SLC39A12: variants seen among roughly 807,000 people sequenced by gnomAD.
SLC39A12 encodes the protein zinc transporter ZIP12.
SLC39A12 carries 63 observed loss-of-function variants against 71.1 expected under a neutral mutation model. The ratio of observed to expected loss-of-function variants is 0.89; its 90% CI spans 0.72 to 1.09. The LOEUF (loss-of-function observed/expected upper bound fraction) is 1.09, where lower values mean the gene tolerates loss of function less well. Among genes scored for constraint, SLC39A12 ranks in the 50% least tolerant of loss-of-function variants. The pLI, the probability that SLC39A12 is intolerant of heterozygous loss-of-function variation, is 0.00. For missense variants in SLC39A12, 892 were observed against 812.6 expected, an observed-to-expected ratio of 1.10 and a Z score of -1.19; for synonymous variants, 351 against 301.3, an observed-to-expected ratio of 1.16 and a Z score of -1.71.
intron 12 of SLC39A12, among the ~76,000 whole-genome samples, chr10:18,004,595 G>GAGAT (rs1399958153): frequency 1.3e-5 from 2 of 152,148 alleles, no homozygotes; most frequent in Non-Finnish European, 2.9e-5. Context: ...TAATTCTTAT[G>GAGAT]AGATGCATGC....
In SLC39A12 at chr10:18,000,682, T is replaced by C; in HGVS notation, c.1616T>C (p.Leu539Ser). ...ASNRKCKAIS[L>S]LAIMILVGDS... The stretch of plus-strand genomic sequence containing the variant: ...GGTTCCTTAGGTAAAGCCATTAGCT[T>C]GTTAGCAATCATGATTCTGGTTGGG... Residue 539 changes from leucine (L) to serine (S), a missense_variant, in exon 11 of 13, where the codon TTG becomes TCG. Transcript: ENST00000377369. 1 of 1,614,192 alleles carries C rather than the reference T, an allele frequency of 6.2e-7. No homozygotes were observed. Among genetic ancestry groups the C allele is most frequent in the Non-Finnish European group, 8.5e-7 (1 of 1,180,028 alleles).
intron 6 of SLC39A12, 117 bp downstream of exon 6, chr10:17,981,600 C>G: frequency 3.9e-6 from 3 of 770,126 alleles, no homozygotes; most frequent in Non-Finnish European, 3.9e-6. Flanking sequence ...CATTTATCAG[C>G]TCATTTAATC....
chr10:17,967,905 A>G (rs1394045524), intron 4 of SLC39A12, among the ~76,000 whole-genome samples: 2 of 144,606 alleles, frequency 1.4e-5, no homozygotes, highest in Non-Finnish European at 3.0e-5. Flanking sequence ...AAAAATATAT[A>G]TATATATATA....
intron 4 of SLC39A12, among the ~76,000 whole-genome samples, chr10:17,967,209 C>T (rs186715392): frequency 1.0e-3 from 157 of 152,164 alleles, no homozygotes; most frequent in Non-Finnish European, 2.2e-4. Context: ...TCATCTATCA[C>T]GCATTTCTAT....
chr10:18,034,333 TC>T lies in SLC39A12; in HGVS notation c.1948-8370del, dbSNP rs1472797576. 2.9e-3 allele frequency among the ~76,000 whole-genome samples: 438 copies of T among 152,000 alleles called. 6 individuals carry two copies. The highest frequency in any genetic ancestry group is 4.1e-4 in the Non-Finnish European group (28 of 67,986). Reference sequence around the variant, plus strand: ...GGACTTGCTTTATGAATCTGGGTGCTCCTGTATTGGGTGCATATATATTTAG... The same window carrying T: ...GGACTTGCTTTATGAATCTGGGTGCTCTGTATTGGGTGCATATATATTTAG... On this transcript the variant is annotated intron_variant, in intron 12 of 12. Transcript: ENST00000377369.
intron 12 of SLC39A12, among the ~76,000 whole-genome samples, chr10:18,006,378 A>C (rs1836018925): frequency 6.6e-6 from 1 of 152,214 alleles, no homozygotes; most frequent in Non-Finnish European, 1.5e-5. Context: ...AATTGCACTG[A>C]AGCATGGCTA....
rs780424631 is a variant in SLC39A12, at chr10:17,993,283, A to C, written c.1525A>C (p.Ile509Leu). 1 of 1,549,110 alleles carries C rather than the reference A, an allele frequency of 6.5e-7. No individual in the cohort carries two copies. The highest frequency in any genetic ancestry group is 8.7e-7 in the Non-Finnish European group (1 of 1,144,414). The change falls in exon 9 of 13, where the codon ATC becomes CTC. Residue 509 changes from isoleucine (I) to leucine (L), a missense_variant. By Grantham distance (5) the Ile-to-Leu change is conservative. Coordinates refer to ENST00000377369, the MANE Select transcript of SLC39A12 (RefSeq NM_001145195.2). The stretch of plus-strand genomic sequence containing the variant: ...AGGCAGAGGCAAATCTGCTTCAACT[A>C]TCCAGTTGGTAGGTTCCTGATCTGA... ...QAGRGKSAST[I>L]QLKSPEDSQA...
chr10:18,034,127 G>A (rs1836930300), intron 12 of SLC39A12, among the ~76,000 whole-genome samples: 1 of 152,110 alleles, frequency 6.6e-6, no homozygotes, highest in Non-Finnish European at 1.5e-5. Context: ...TGTATATTCT[G>A]TTGATTTGTG....
chr10:17,963,899 C>A (rs1392494479), intron 3 of SLC39A12, among the ~76,000 whole-genome samples: 3 of 152,180 alleles, frequency 2.0e-5, no homozygotes, highest in Non-Finnish European at 2.9e-5. Flanking sequence ...TCCCTAATGG[C>A]TCAGAAAGCA....
At chr10:18,037,382 G>T (rs115640369) in intron 12 of SLC39A12, among the ~76,000 whole-genome samples, 1,950 of 151,934 alleles carry the variant, frequency 0.013, 49 homozygotes, top group African/African-American at 0.044. Flanking sequence ...AATAGACAAG[G>T]ATGAATTTCA....
At chr10:18,020,768 C>G (rs1836511952) in intron 12 of SLC39A12, among the ~76,000 whole-genome samples, 1 of 152,012 alleles carries the variant, frequency 6.6e-6, no homozygotes, top group Admixed American at 6.6e-5. Flanking sequence ...TGTATGTCAT[C>G]TTTTGAGACA....
intron 6 of SLC39A12, among the ~76,000 whole-genome samples, chr10:17,982,345 A>G (rs1291933134): frequency 6.6e-6 from 1 of 152,230 alleles, no homozygotes; most frequent in African/African-American, 2.4e-5. Context: ...TTTAAAAGAC[A>G]AAACAAATGG....
At position 17,977,930 on chromosome 10, in the gene SLC39A12, G is replaced by C; in HGVS notation, c.780G>C (p.Trp260Cys). 1 of 1,608,008 alleles carries C rather than the reference G, an allele frequency of 6.2e-7. No individual in the cohort carries two copies. Among genetic ancestry groups the C allele is most frequent in the South Asian group, 1.1e-5 (1 of 89,760 alleles). Reference protein sequence around the residue: ...SELDQLLNTLWTRSTCIKNEK... With the variant: ...SELDQLLNTLCTRSTCIKNEK... ...TAGACCAACTCCTCAACACTCTCTG[G>C]ACCAGAAGTACTTGTATCAAAAATG... Residue 260 changes from tryptophan to cysteine, a missense_variant, in exon 5 of 13, where the codon TGG becomes TGC. Physicochemically the swap from Trp to Cys is radical, Grantham distance 215 (BLOSUM62 -2). Transcript: ENST00000377369.
Position 17,965,068 on chromosome 10 carries a change from G to A in SLC39A12, c.544-415G>A, listed in dbSNP as rs144249633. On this transcript the variant is annotated intron_variant, in intron 3 of 12. Coordinates refer to ENST00000377369, the MANE Select transcript of SLC39A12 (RefSeq NM_001145195.2). The stretch of plus-strand genomic sequence containing the variant: ...CTAAAAATACAAAAATTAGCCAGGC[G>A]TGGTGGCAGGCACCTGTAATCCCAG... Among the ~76,000 whole-genome samples the A allele has an allele frequency of 9.1e-3, 1,379 of 152,172 alleles. 19 individuals are homozygous for A. Among genetic ancestry groups the A allele is most frequent in the African/African-American group, 0.031 (1,291 of 41,530 alleles).
chr10:18,018,726 T>G (rs550939345), intron 12 of SLC39A12, among the ~76,000 whole-genome samples: 143 of 152,248 alleles, frequency 9.4e-4, no homozygotes, highest in African/African-American at 3.3e-3. Context: ...CTGGAATAAA[T>G]CCCTCTTGAT....
chr10:17,954,857 G>C (rs538774273), intron 2 of SLC39A12, among the ~76,000 whole-genome samples: 13 of 152,292 alleles, frequency 8.5e-5, no homozygotes, highest in African/African-American at 2.6e-4. Context: ...TTCTGACCAA[G>C]TGTTTTGTTT....
intron 12 of SLC39A12, among the ~76,000 whole-genome samples, chr10:18,023,106 A>G (rs945058544): frequency 6.6e-6 from 1 of 152,138 alleles, no homozygotes; most frequent in African/African-American, 2.4e-5. Flanking sequence ...GGGGCTGTGC[A>G]TCACAGCCCT....
intron 12 of SLC39A12, among the ~76,000 whole-genome samples, chr10:18,028,573 C>G (rs1293923531): frequency 1.3e-5 from 2 of 152,172 alleles, no homozygotes; most frequent in African/African-American, 4.8e-5. Flanking sequence ...CCCTAGTATA[C>G]AGTTATCACA....
chr10:17,982,064 T>G (rs1835274464), intron 6 of SLC39A12, among the ~76,000 whole-genome samples: 1 of 152,144 alleles, frequency 6.6e-6, no homozygotes, highest in Non-Finnish European at 1.5e-5. Context: ...CATCATGGCA[T>G]GTATAAAAAA....
Sources: allele counts gnomAD v4.1 joint callset (sites outside exome capture counted in the v4.1 genomes callset), GRCh38; gene constraint gnomAD v4.1.1; transcripts MANE v1.5; gene names NCBI Gene and HGNC (gene_info 2026-07-23, HGNC 2026-07-21).